The following TTK variants were observed in gnomAD, a reference collection of about 807,000 sequenced individuals.
The protein encoded by TTK is dual specificity protein kinase TTK.
Under a neutral mutation model 117.3 loss-of-function variants are expected in TTK, and 59 were observed. That is an observed-to-expected ratio of 0.50 (90% CI 0.41 to 0.62). The LOEUF is 0.62. TTK is among the 20% of genes least tolerant of loss of function. The pLI is 0.00. For synonymous variants in TTK, 302 were observed against 325.0 expected (o/e 0.93, Z 0.76); for missense variants, 921 against 989.4 (o/e 0.93, Z 0.93).
chr6:80,016,896 T>A (rs561642059), intron 10 of TTK, among the ~76,000 whole-genome samples: 46 of 152,294 alleles, frequency 3.0e-4, no homozygotes, highest in African/African-American at 9.6e-4. Flanking sequence ...ACAGTTCCAA[T>A]CTTTAAAAGC....
At chr6:80,040,474 T>G in intron 20 of TTK, 132 bp from the exon 21 acceptor site, 2 of 887,960 alleles carry the variant, frequency 2.3e-6, no homozygotes, top group South Asian at 4.4e-5. Context: ...TATTTTTACT[T>G]ATTCCAGATA....
Position 80,010,882 on chromosome 6 carries a change from C to G in TTK, c.538C>G (p.Leu180Val). The G allele has an allele frequency of 6.2e-7, 1 of 1,612,364 alleles. No homozygotes were observed. Residue 180 changes from leucine to valine, a missense_variant, in exon 5 of 22, where the codon CTG becomes GTG. By Grantham distance (32) the Leu-to-Val change is conservative (BLOSUM62 1). Transcript: ENST00000369798. ...VERGAVPLEM[L>V]EIALRNLNLQ... ...ACGTGGAGCAGTACCACTAGAAATG[C>G]TGGAAATTGCCCTGCGGAATTTAAA... is the stretch of plus-strand genomic sequence containing the variant.
chr6:80,013,239 C>A, intron 8 of TTK, 40 bp from the exon 9 acceptor site: 1 of 1,501,554 alleles, frequency 6.7e-7, no homozygotes, highest in East Asian at 2.4e-5. Context: ...TTTTTTTTTT[C>A]AAATTTAATG....
At position 80,031,703 on chromosome 6, in the gene TTK, T is replaced by C. The variant is rs889594628; in HGVS notation, c.1614+144T>C. The C allele has an allele frequency of 2.9e-5, 14 of 477,446 alleles. No homozygotes were observed. In the East Asian group the frequency reaches 3.5e-4, roughly 12 times the overall value. The allele number at this position is 477,446 out of a possible 1,614,324, so 29.6% of individuals were successfully genotyped here. A position where few individuals can be genotyped will look rare whatever the true frequency, so the allele number is the denominator to read the frequency against. Reference sequence around the variant, plus strand: ...CCAAAAAGCCATCTTAACACCTGCCTTTCTCTTCCCGCTGCCCCTCACATG... The same window carrying C: ...CCAAAAAGCCATCTTAACACCTGCCCTTCTCTTCCCGCTGCCCCTCACATG... On this transcript the variant is annotated intron_variant, in intron 14 of 21. Transcript: ENST00000369798.
chr6:80,028,016 G>A lies in TTK; in HGVS notation c.1521+5G>A, dbSNP rs759095745. On this transcript the variant is annotated splice_donor_5th_base_variant and intron_variant, in intron 13 of 21. Coordinates refer to ENST00000369798, the MANE Select transcript of TTK (RefSeq NM_003318.5). ...ACTCCACTTCAAAATTTACAGGTTCGATAAGCTTTATATATGATGGTATAT... is the reference window on the plus strand; with the variant it reads ...ACTCCACTTCAAAATTTACAGGTTCAATAAGCTTTATATATGATGGTATAT... The A allele has an allele frequency of 1.3e-5, 21 of 1,596,284 alleles. 1 individual carries two copies. Among genetic ancestry groups the A allele is most frequent in the South Asian group, 3.4e-5 (3 of 87,612 alleles).
chr6:80,037,550 C>G (rs1767937315), intron 17 of TTK: 1 of 152,646 alleles, frequency 6.6e-6, no homozygotes, highest in South Asian at 2.1e-4. Flanking sequence ...GAGTATGTTA[C>G]AACAAGAAAC....
chr6:80,018,070 G>C (rs552085046), intron 10 of TTK, among the ~76,000 whole-genome samples: 1 of 152,036 alleles, frequency 6.6e-6, no homozygotes, highest in East Asian at 1.9e-4. Flanking sequence ...AGCTATGCAG[G>C]AGGCTGAGGT....
intron 4 of TTK, among the ~76,000 whole-genome samples, chr6:80,009,434 G>A (rs1024176954): frequency 1.2e-4 from 18 of 151,972 alleles, no homozygotes; most frequent in African/African-American, 4.3e-4. Flanking sequence ...GCTCTATCAG[G>A]TTACTTTTTA....
chr6:80,026,231 A>G, intron 11 of TTK, 147 bp from the exon 12 acceptor site: 1 of 815,724 alleles, frequency 1.2e-6, no homozygotes, highest in Non-Finnish European at 1.8e-6. Flanking sequence ...TTGAAAGTCT[A>G]AAATGTATAT....
intron 2 of TTK, 91 bp from the exon 3 acceptor site, chr6:80,007,718 T>C (rs1767030804): frequency 9.5e-7 from 1 of 1,050,702 alleles, no homozygotes; most frequent in Non-Finnish European, 1.4e-6. Flanking sequence ...ATACTGACAG[T>C]ACAAATGTTT....
chr6:80,022,007 C>T (rs1429795296), intron 10 of TTK, among the ~76,000 whole-genome samples: 1 of 152,132 alleles, frequency 6.6e-6, no homozygotes, highest in Non-Finnish European at 1.5e-5. Flanking sequence ...ATTAGCTTCT[C>T]TATTAGTAAG....
At chr6:80,028,751 A>G (rs1315901722) in intron 13 of TTK, among the ~76,000 whole-genome samples, 2 of 152,228 alleles carry the variant, frequency 1.3e-5, no homozygotes, top group African/African-American at 4.8e-5. Context: ...AGAATGTATT[A>G]TACTAATAAC....
intron 10 of TTK, among the ~76,000 whole-genome samples, chr6:80,021,694 T>A (rs1767462668): frequency 6.6e-6 from 1 of 152,148 alleles, no homozygotes; most frequent in African/African-American, 2.4e-5. Flanking sequence ...TAATTGCCCA[T>A]CTGGAGGTAT....
chr6:80,025,478 G>A (rs1486435384), intron 11 of TTK, among the ~76,000 whole-genome samples: 3 of 152,194 alleles, frequency 2.0e-5, no homozygotes, highest in African/African-American at 7.2e-5. Flanking sequence ...AACTAAAGCT[G>A]TCCTGAAATT....
At chr6:80,014,796 G>C (rs373703646) in intron 10 of TTK, among the ~76,000 whole-genome samples, 3 of 152,278 alleles carry the variant, frequency 2.0e-5, no homozygotes, top group Non-Finnish European at 4.4e-5. Context: ...ATAAAAGAAA[G>C]AGTGGAGGGA....
Position 80,027,948 on chromosome 6 carries a change from C to T in TTK, c.1458C>T (p.Gly486=). The T allele has an allele frequency of 1.2e-6, 2 of 1,608,202 alleles. No individual in the cohort carries two copies. The highest frequency in any genetic ancestry group is 1.1e-5 in the South Asian group (1 of 90,300). ...PPACQLSTPY[G]QPACFQQQQH... ...CTTGTCAGTTGTCAACACCTTATGG[C>T]CAACCTGCCTGTTTCCAGCAGCAAC... The change falls in exon 13 of 22, where the codon GGC becomes GGT. Residue 486 remains glycine, a synonymous_variant. Coordinates refer to ENST00000369798, the MANE Select transcript of TTK (RefSeq NM_003318.5).
chr6:80,019,092 A>G (rs1285417484), intron 10 of TTK, among the ~76,000 whole-genome samples: 1 of 152,190 alleles, frequency 6.6e-6, no homozygotes, highest in Non-Finnish European at 1.5e-5. Context: ...TATTTCGTTT[A>G]GGACTTTTGT....
intron 10 of TTK, among the ~76,000 whole-genome samples, chr6:80,019,656 A>G (rs1270952391): frequency 6.6e-6 from 1 of 152,218 alleles, no homozygotes; most frequent in South Asian, 2.1e-4. Context: ...CTAAGTAAGA[A>G]TCTTAGAGTT....
chr6:80,035,402 A>G lies in TTK; in HGVS notation c.1909A>G (p.Thr637Ala), dbSNP rs763552829. The part of the protein sequence containing the change: ...YWKNMLEAVH[T>A]IHQHGIVHSD... ...GAAAAATATGTTAGAGGCAGTTCAC[A>G]CAATCCATCAACATGGTATTTAACA... The change falls in exon 16 of 22, where the codon ACA (threonine) becomes GCA (alanine). Residue 637 changes from threonine (T) to alanine (A), a missense_variant. Coordinates refer to ENST00000369798, the MANE Select transcript of TTK (RefSeq NM_003318.5). The G allele has an allele frequency of 1.2e-6, 2 of 1,605,410 alleles. No homozygotes were observed. Among genetic ancestry groups the G allele is most frequent in the South Asian group, 2.3e-5 (2 of 88,796 alleles).
Sources: allele counts gnomAD v4.1 joint callset (sites outside exome capture counted in the v4.1 genomes callset), GRCh38; gene constraint gnomAD v4.1.1; transcripts MANE v1.5; gene names NCBI Gene and HGNC (gene_info 2026-07-23, HGNC 2026-07-21).